Variants in KMT2C observed in about 807,000 individuals in gnomAD.
KMT2C encodes histone-lysine N-methyltransferase 2C.
A neutral mutation model predicts 507.9 loss-of-function variants in KMT2C; 88 were observed. The observed-to-expected ratio is 0.17, with a 90% CI of 0.15 to 0.21. The LOEUF is 0.21. Among genes scored for constraint, KMT2C ranks in the 10% least tolerant of loss-of-function variants. KMT2C has a pLI of 1.00. For synonymous variants in KMT2C, 2,049 were observed against 2,080.8 expected (o/e 0.98, Z 0.42); for missense variants, 4,954 against 5,957.8 (o/e 0.83, Z 5.55).
At chr7:152,419,299 C>T (rs1398464252) in intron 1 of KMT2C, among the ~76,000 whole-genome samples, 8 of 151,868 alleles carry the variant, frequency 5.3e-5, no homozygotes, top group Non-Finnish European at 8.8e-5. Context: ...TGCAGTGAGC[C>T]GAGATCATGC....
At chr7:152,349,114 T>A (rs867885140) in intron 2 of KMT2C, among the ~76,000 whole-genome samples, 37 of 152,246 alleles carry the variant, frequency 2.4e-4, no homozygotes, top group African/African-American at 8.4e-4. Flanking sequence ...ACAATATTAT[T>A]CAGCACTAAG....
At chr7:152,215,684 T>TAC (rs1330421340) in intron 23 of KMT2C, among the ~76,000 whole-genome samples, 1 of 137,670 alleles carries the variant, frequency 7.3e-6, no homozygotes, top group Admixed American at 7.1e-5. Context: ...AAAATATATA[T>TAC]ATATACACAC....
chr7:152,181,068 C>A lies in KMT2C; in HGVS notation c.6792G>T (p.Pro2264=), dbSNP rs143820259. 6.2e-7 allele frequency: 1 copy of A among 1,614,154 alleles called. No homozygotes were observed. The highest frequency in any genetic ancestry group is 8.5e-7 in the Non-Finnish European group (1 of 1,180,020). Reference sequence around the variant, plus strand: ...AACATGTATCAGGTGGCCTTACCAACGGGCCAGGTAAAGCTGGTCCTCGGT... The same window carrying A: ...AACATGTATCAGGTGGCCTTACCAAAGGGCCAGGTAAAGCTGGTCCTCGGT... The part of the protein sequence containing the change: ...AQNRGPALPG[P]LVRPPDTCSQ... The change falls in exon 36 of 59, where the codon CCG becomes CCT. Residue 2264 remains proline, a synonymous_variant. Coordinates refer to ENST00000262189, the MANE Select transcript of KMT2C (RefSeq NM_170606.3).
At chr7:152,405,261 C>CTTT (rs5888467) in intron 1 of KMT2C, among the ~76,000 whole-genome samples, 15 of 151,976 alleles carry the variant, frequency 9.9e-5, no homozygotes, top group Non-Finnish European at 7.4e-5. Context: ...TTTAACTTCA[C>CTTT]TTTTTTTTTT....
chr7:152,413,719 T>C (rs112583048), intron 1 of KMT2C, among the ~76,000 whole-genome samples: 854 of 122,352 alleles, frequency 7.0e-3, no homozygotes, highest in South Asian at 8.4e-3. Flanking sequence ...ACCCCATCTA[T>C]ACTAAAAATA....
chr7:152,349,559 A>T lies in KMT2C; in HGVS notation c.250+9028T>A, dbSNP rs577152287. 3.9e-5 allele frequency among the ~76,000 whole-genome samples: 6 copies of T among 152,296 alleles called. No individual in the cohort carries two copies. In the East Asian group the frequency reaches 9.7e-4, roughly 25 times the overall value. ...AAGACTACATATCCTATATGATTCA[A>T]ACTATTTGACACTCTGGAAAAGGCA... On this transcript the variant is annotated intron_variant, in intron 2 of 58. Coordinates refer to ENST00000262189, the MANE Select transcript of KMT2C (RefSeq NM_170606.3).
intron 1 of KMT2C, among the ~76,000 whole-genome samples, chr7:152,432,790 G>A (rs999982385): frequency 3.9e-5 from 6 of 152,178 alleles, no homozygotes; most frequent in African/African-American, 1.2e-4. Context: ...TGAGGAAAGT[G>A]TAATTGGTGG....
At chr7:152,239,350 G>T (rs1415287873) in intron 14 of KMT2C, among the ~76,000 whole-genome samples, 5 of 152,268 alleles carry the variant, frequency 3.3e-5, no homozygotes, top group African/African-American at 1.2e-4. Context: ...ACGTTAAACT[G>T]TAGAGAGCTG....
chr7:152,337,674 C>G (rs1027616195), intron 2 of KMT2C, among the ~76,000 whole-genome samples: 1 of 151,876 alleles, frequency 6.6e-6, no homozygotes, highest in Non-Finnish European at 1.5e-5. Context: ...TCATTTAAGA[C>G]AGACAATACC....
At chr7:152,213,469 G>A (rs1323891622) in intron 23 of KMT2C, among the ~76,000 whole-genome samples, 1 of 151,992 alleles carries the variant, frequency 6.6e-6, no homozygotes, top group Non-Finnish European at 1.5e-5. Context: ...GGGAAAAGAT[G>A]GTGTCTTCAA....
intron 2 of KMT2C, among the ~76,000 whole-genome samples, chr7:152,347,537 A>G (rs902137634): frequency 5.3e-5 from 8 of 152,244 alleles, no homozygotes; most frequent in Admixed American, 4.6e-4. Flanking sequence ...GTTCACTGCA[A>G]TAACAACAGG....
intron 1 of KMT2C, among the ~76,000 whole-genome samples, chr7:152,414,008 G>A (rs567022144): frequency 2.0e-5 from 3 of 151,896 alleles, no homozygotes; most frequent in South Asian, 2.1e-4. Context: ...TCAGAAATTC[G>A]AGACCAGCCT....
In KMT2C at chr7:152,227,541, C is replaced by T. The variant is rs141659537; in HGVS notation, c.2976+2382G>A. 7.5e-3 allele frequency among the ~76,000 whole-genome samples: 1,142 copies of T among 152,304 alleles called. 18 individuals carry two copies. Among genetic ancestry groups the T allele is most frequent in the African/African-American group, 0.027 (1,102 of 41,574 alleles). On this transcript the variant is annotated intron_variant, in intron 18 of 58. Coordinates refer to ENST00000262189, the MANE Select transcript of KMT2C (RefSeq NM_170606.3). ...ACAGTGGTCTCTGAGAGGAAGGAAACACTCAGGGAGTCCTATGATATTCTG... is the reference window on the plus strand; with the variant it reads ...ACAGTGGTCTCTGAGAGGAAGGAAATACTCAGGGAGTCCTATGATATTCTG...
At chr7:152,338,472 T>A (rs2096959009) in intron 2 of KMT2C, among the ~76,000 whole-genome samples, 1 of 151,694 alleles carries the variant, frequency 6.6e-6, no homozygotes, top group South Asian at 2.1e-4. Context: ...ATGATGGGAG[T>A]TAAGGGGAAG....
rs751973070 is a variant in KMT2C, at chr7:152,194,148, T to C, written c.4541-20A>G. 1.3e-5 allele frequency: 20 copies of C among 1,565,772 alleles called. No individual in the cohort carries two copies. Among genetic ancestry groups the C allele is most frequent in the East Asian group, 2.3e-5 (1 of 44,182 alleles). The stretch of plus-strand genomic sequence containing the variant: ...CAAGCTCTAGGAGATAAAACAATAA[T>C]AGTAACAAGATTAAAAGACTAGTAG... On this transcript the variant is annotated intron_variant, in intron 30 of 58. Transcript: ENST00000262189.
chr7:152,307,859 C>A (rs2096634951), intron 6 of KMT2C, among the ~76,000 whole-genome samples: 1 of 152,314 alleles, frequency 6.6e-6, no homozygotes, highest in East Asian at 1.9e-4. Context: ...GTATCAAACA[C>A]TACGAGTTTA....
At chr7:152,356,843 A>T (rs1405907954) in intron 2 of KMT2C, among the ~76,000 whole-genome samples, 1 of 151,204 alleles carries the variant, frequency 6.6e-6, no homozygotes, top group East Asian at 1.9e-4. Context: ...GTGAGCTGAG[A>T]TCGCACCACT....
intron 2 of KMT2C, among the ~76,000 whole-genome samples, chr7:152,334,162 C>T (rs967543033): frequency 2.0e-5 from 3 of 152,038 alleles, no homozygotes; most frequent in Non-Finnish European, 2.9e-5. Flanking sequence ...ACCTGTAGAA[C>T]GTAGACAAAG....
chr7:152,152,652 T>C, intron 49 of KMT2C, 53 bp downstream of exon 49: 1 of 1,599,984 alleles, frequency 6.3e-7, no homozygotes, highest in Non-Finnish European at 8.6e-7. Context: ...AGAGTAAGCT[T>C]AACTTTTGAA....
Sources: allele counts gnomAD v4.1 joint callset (sites outside exome capture counted in the v4.1 genomes callset), GRCh38; gene constraint gnomAD v4.1.1; transcripts MANE v1.5; gene names NCBI Gene and HGNC (gene_info 2026-07-23, HGNC 2026-07-21).